Variants in NFASC observed in about 807,000 individuals in gnomAD.
NFASC encodes the protein neurofascin homolog.
In NFASC, 43 loss-of-function variants were observed where a neutral mutation model predicts 147.5. The observed-to-expected ratio is 0.29, with a 90% CI of 0.23 to 0.38. The LOEUF is 0.38. Ranked by LOEUF, NFASC falls within the 10% of genes least tolerant of loss-of-function variation. The probability of loss-of-function intolerance (pLI) is 1.00; values close to 1 mark genes in which losing one functional copy is unlikely to be tolerated. For missense variants in NFASC, 1,320 were observed against 1,689.0 expected (o/e 0.78, Z 3.83); for synonymous variants, 622 against 665.5 (o/e 0.93, Z 1.01).
At chr1:204,964,552 T>C (rs187840205) in intron 8 of NFASC, among the ~76,000 whole-genome samples, 4 of 152,346 alleles carry the variant, frequency 2.6e-5, no homozygotes, top group African/African-American at 9.6e-5. Flanking sequence ...CTACTGCATA[T>C]GAGGTTTGGG....
chr1:204,977,105 C>G, intron 16 of NFASC: 3 of 1,201,594 alleles, frequency 2.5e-6, no homozygotes, highest in Non-Finnish European at 3.1e-6. Flanking sequence ...TTACAGCTAA[C>G]TCCACCACTA....
chr1:204,866,918 G>T (rs2077155198), intron 1 of NFASC, among the ~76,000 whole-genome samples: 2 of 152,206 alleles, frequency 1.3e-5, no homozygotes, highest in Non-Finnish European at 2.9e-5. Context: ...TGGACATGAA[G>T]GGTTGGATTG....
chr1:204,978,948 G>A lies in NFASC; in HGVS notation c.1877-20G>A, dbSNP rs566974095. On this transcript the variant is annotated intron_variant, in intron 17 of 29. Transcript: ENST00000339876. ...ACCTGCTCTAACTCAGGAGGCCTGC[G>A]TGGTGTCTTCTGCCACCAGGACGGC... 61 of 1,536,686 alleles carry A rather than the reference G, an allele frequency of 4.0e-5. No individual in the cohort carries two copies. The South Asian group carries it at 4.3e-4, about 11-fold the overall frequency.
At chr1:204,932,133 G>C (rs2149593105) in intron 2 of NFASC, among the ~76,000 whole-genome samples, 1 of 152,238 alleles carries the variant, frequency 6.6e-6, no homozygotes, top group Admixed American at 6.5e-5. Context: ...GGTCTCCGTT[G>C]GGTCAGGTTT....
intron 28 of NFASC, 190 bp downstream of exon 28, chr1:205,009,878 C>G: frequency 1.5e-6 from 1 of 653,758 alleles, no homozygotes; most frequent in East Asian, 2.8e-5. Context: ...TTAAGTTCGC[C>G]TGAGTTGGGC....
intron 3 of NFASC, chr1:204,948,715 A>G (rs558034825): frequency 1.9e-6 from 1 of 519,054 alleles, no homozygotes; most frequent in South Asian, 1.4e-5. Flanking sequence ...TTCCCTGGAC[A>G]ATGTCTAGGG....
intron 2 of NFASC, among the ~76,000 whole-genome samples, chr1:204,923,698 C>T (rs948048281): frequency 6.6e-6 from 1 of 152,138 alleles, no homozygotes; most frequent in Admixed American, 6.5e-5. Flanking sequence ...CCTGCTGCCC[C>T]CAAACCGATT....
rs2096217145 is a variant in NFASC, at chr1:205,009,813, A to T, written c.3421+125A>T. Reference sequence around the variant, plus strand: ...TGAAGCCAGCCCTTGCCCGGATTGGAAATACAATCCTCTTGCCTGTGCATC... The same window carrying T: ...TGAAGCCAGCCCTTGCCCGGATTGGTAATACAATCCTCTTGCCTGTGCATC... On this transcript the variant is annotated intron_variant, in intron 28 of 29. Transcript: ENST00000339876. The T allele has an allele frequency of 4.8e-5, 49 of 1,028,478 alleles. No homozygotes were observed. In the South Asian group the frequency reaches 7.3e-4, roughly 15 times the overall value. The allele number at this position is 1,028,478 out of a possible 1,614,324, so 63.7% of individuals were successfully genotyped here.
intron 12 of NFASC, 69 bp from the exon 13 acceptor site, chr1:204,974,110 T>G: frequency 1.6e-5 from 21 of 1,286,106 alleles, no homozygotes; most frequent in Non-Finnish European, 2.2e-5. Flanking sequence ...CATGCAGAGG[T>G]GAGACCGAGG....
intron 1 of NFASC, among the ~76,000 whole-genome samples, chr1:204,865,846 G>A (rs1187310361): frequency 1.3e-5 from 2 of 152,206 alleles, no homozygotes; most frequent in African/African-American, 4.8e-5. Context: ...AGGTAGAACT[G>A]TGGGGCCACA....
rs758776034 is a variant in NFASC at position 204,973,307 on chromosome 1, C to T, written c.1167C>T (p.Ala389=). Residue 389 remains alanine (A), a synonymous_variant, in exon 12 of 30, where the codon GCC becomes GCT. Transcript: ENST00000339876. ...SAPPNPNREV[A]GDTIIFRDTQ... is the part of the protein sequence containing the mutation. ...CACCTAACCCAAACCGTGAGGTGGC[C>T]GGAGACACCATCATCTTCCGGGACA... The T allele has an allele frequency of 6.2e-6, 10 of 1,614,074 alleles. No individual in the cohort carries two copies. The African/African-American group carries it at 9.3e-5, about 15-fold the overall frequency.
At chr1:204,991,658 G>C (rs562135866) in intron 24 of NFASC, among the ~76,000 whole-genome samples, 34 of 152,366 alleles carry the variant, frequency 2.2e-4, no homozygotes, top group Admixed American at 1.8e-3. Flanking sequence ...GCCTGGGCTT[G>C]ACAGCTCAGA....
At chr1:204,908,876 T>G (rs1411516521) in intron 1 of NFASC, among the ~76,000 whole-genome samples, 1 of 152,196 alleles carries the variant, frequency 6.6e-6, no homozygotes, top group Non-Finnish European at 1.5e-5. Context: ...TCTCTGGAGA[T>G]TCATCTAAGT....
At chr1:204,998,174 G>C (rs1349017790) in intron 25 of NFASC, 1 of 152,340 alleles carries the variant, frequency 6.6e-6, no homozygotes, top group Admixed American at 6.5e-5. Context: ...AGCCAGGCCA[G>C]GAAGCTCTGT....
chr1:204,956,705 A>C (rs1339344276), intron 7 of NFASC, among the ~76,000 whole-genome samples: 1 of 152,206 alleles, frequency 6.6e-6, no homozygotes, highest in African/African-American at 2.4e-5. Context: ...GGCCTACAGT[A>C]AATCAGGAAT....
chr1:204,976,812 A>G lies in NFASC; in HGVS notation c.1831+17A>G, dbSNP rs2095414710. On this transcript the variant is annotated intron_variant, in intron 16 of 29. Transcript: ENST00000339876. ...CCGTGCTAGGTAACTGCCCATGCTC[A>G]CCCTGGCACTGACCAGCCCCACCCC... is the stretch of plus-strand genomic sequence containing the variant. The G allele has an allele frequency of 3.1e-6, 5 of 1,607,828 alleles. No individual in the cohort carries two copies. In the South Asian group the frequency reaches 4.4e-5, roughly 14 times the overall value.
Position 204,954,220 on chromosome 1 carries a change from A to T in NFASC, c.248A>T (p.Asn83Ile). 1 of 1,614,200 alleles carries T rather than the reference A, an allele frequency of 6.2e-7. No individual in the cohort carries two copies. The highest frequency in any genetic ancestry group is 8.5e-7 in the Non-Finnish European group (1 of 1,180,036). The change falls in exon 6 of 30, where the codon AAC becomes ATC. Residue 83 changes from asparagine (N) to isoleucine (I), a missense_variant. Transcript: ENST00000339876. The surrounding 1 kb of genome is among the most constrained non-coding windows in gnomAD (Gnocchi z 5.7). ...TGGACACGAAACAGCAGATTCTTCA[A>T]CATCGCCAAGGACCCCCGGGTGTCC... is the stretch of plus-strand genomic sequence containing the variant. ...FHWTRNSRFF[N>I]IAKDPRVSMR...
Position 204,981,778 on chromosome 1 carries a change from C to G in NFASC, c.2248-20C>G. On this transcript the variant is annotated intron_variant, in intron 20 of 29. Coordinates refer to ENST00000339876, the MANE Select transcript of NFASC (RefSeq NM_001005388.3). ...GCCCCTCTCTGGCAGCCTCTCCAGCCTGTCTGTCCCTCTGCCCAGCCCATG... is the reference window on the plus strand; with the variant it reads ...GCCCCTCTCTGGCAGCCTCTCCAGCGTGTCTGTCCCTCTGCCCAGCCCATG... 1 of 1,489,248 alleles carries G rather than the reference C, an allele frequency of 6.7e-7. No homozygotes were observed. The highest frequency in any genetic ancestry group is 1.3e-5 in the South Asian group (1 of 74,626). 92.3% of individuals were successfully genotyped at this position (1,489,248 alleles called of 1,614,324 possible). A position where few individuals can be genotyped will look rare whatever the true frequency, so the allele number is the denominator to read the frequency against.
intron 3 of NFASC, 35 bp downstream of exon 3, chr1:204,944,441 C>CGT: frequency 1.3e-6 from 1 of 782,590 alleles, no homozygotes; most frequent in Non-Finnish European, 1.9e-6. Flanking sequence ...CTTTTTTTTC[C>CGT]TGATTTTGGG....
Sources: gnomAD v4.1 joint callset for allele counts (sites outside exome capture counted in the v4.1 genomes callset) on GRCh38, gnomAD v4.1.1 for gene constraint, Gnocchi (gnomAD v3.1) non-coding constraint, MANE v1.5 for transcripts, NCBI Gene and HGNC (gene_info 2026-07-23, HGNC 2026-07-21) for gene names.